CADM1: variants seen among roughly 807,000 people sequenced by gnomAD.
CADM1 encodes the protein TSLC-1.
CADM1 carries 15 observed loss-of-function variants against 53.1 expected under a neutral mutation model. The ratio of observed to expected loss-of-function variants is 0.28; its 90% confidence interval spans 0.19 to 0.44. CADM1 has a LOEUF of 0.44. Ranked by LOEUF, CADM1 falls within the 20% of genes least tolerant of loss-of-function variation. The pLI is 1.00. For missense variants in CADM1, 434 were observed against 611.3 expected (o/e 0.71, Z 3.06); for synonymous variants, 281 against 243.0 (o/e 1.16, Z -1.45).
intron 2 of CADM1, among the ~76,000 whole-genome samples, chr11:115,239,035 C>A (rs923644607): frequency 1.3e-5 from 2 of 152,058 alleles, no homozygotes; most frequent in Non-Finnish European, 2.9e-5. Flanking sequence ...GGTCATGAGT[C>A]CCCTGAAGCA....
At position 115,173,954 on chromosome 11, in the gene CADM1, CA is replaced by C; in HGVS notation, c.*2519del. 1 of 967,566 alleles carries C rather than the reference CA, an allele frequency of 1.0e-6. No individual in the cohort carries two copies. The highest frequency in any genetic ancestry group is 1.2e-6 in the Non-Finnish European group (1 of 813,716). 59.9% of individuals were successfully genotyped at this position (967,566 alleles called of 1,614,324 possible). On this transcript the variant is annotated 3_prime_UTR_variant, in exon 12 of 12. Transcript: ENST00000331581. The stretch of plus-strand genomic sequence containing the variant: ...CTCTAAAAAAAGTGATCAACCTGTA[CA>C]AAGTAATACTCAACAATACATTTCA...
At chr11:115,345,574 T>C (rs1026222961) in intron 1 of CADM1, among the ~76,000 whole-genome samples, 97 of 152,216 alleles carry the variant, frequency 6.4e-4, no homozygotes, top group African/African-American at 2.3e-3. Context: ...CTACCACATC[T>C]CATAATGTGT....
At chr11:115,314,987 G>A (rs1944623354) in intron 1 of CADM1, among the ~76,000 whole-genome samples, 1 of 152,204 alleles carries the variant, frequency 6.6e-6, no homozygotes, top group Non-Finnish European at 1.5e-5. Context: ...CAACTGGGAT[G>A]TAAATTGTGA....
intron 1 of CADM1, 150 bp downstream of exon 1, chr11:115,504,121 C>T: frequency 1.7e-6 from 2 of 1,204,794 alleles, no homozygotes; most frequent in Non-Finnish European, 2.3e-6. Context: ...CCCCTTCCCT[C>T]TCAGCCCTGA....
chr11:115,347,896 C>G (rs1945623412), intron 1 of CADM1, among the ~76,000 whole-genome samples: 1 of 152,138 alleles, frequency 6.6e-6, no homozygotes, highest in Non-Finnish European at 1.5e-5. Flanking sequence ...CTCCATTACA[C>G]AATTACAATC....
chr11:115,412,848 A>G (rs1325437745), intron 1 of CADM1, among the ~76,000 whole-genome samples: 1 of 152,052 alleles, frequency 6.6e-6, no homozygotes, highest in Non-Finnish European at 1.5e-5. Context: ...CCATAATGGA[A>G]GAATGCAATA....
chr11:115,207,239 A>C (rs1027645318), intron 8 of CADM1: 8 of 152,322 alleles, frequency 5.3e-5, no homozygotes, highest in African/African-American at 1.7e-4. Context: ...TTTTGTGCGC[A>C]GGGAGGACTC....
At chr11:115,392,580 G>A (rs1297682573) in intron 1 of CADM1, among the ~76,000 whole-genome samples, 2 of 152,132 alleles carry the variant, frequency 1.3e-5, no homozygotes, top group Non-Finnish European at 2.9e-5. Flanking sequence ...ACTTTTGGAG[G>A]AAAACAACCT....
chr11:115,254,593 C>CACACACAG (rs1491508599), intron 1 of CADM1, among the ~76,000 whole-genome samples: 2 of 136,296 alleles, frequency 1.5e-5, no homozygotes, highest in African/African-American at 5.8e-5. Context: ...CACACACACA[C>CACACACAG]AGAGACAACA....
intron 3 of CADM1, among the ~76,000 whole-genome samples, chr11:115,234,966 C>G (rs989060760): frequency 2.0e-5 from 3 of 147,760 alleles, no homozygotes; most frequent in Non-Finnish European, 4.5e-5. Flanking sequence ...TTGTTGAGAT[C>G]ACCATCCTGT....
intron 1 of CADM1, among the ~76,000 whole-genome samples, chr11:115,452,446 G>A (rs1342221909): frequency 6.6e-6 from 1 of 152,214 alleles, no homozygotes; most frequent in Non-Finnish European, 1.5e-5. Context: ...TTAATGAAAT[G>A]AGACTTAAGT....
At chr11:115,228,151 G>A (rs997038847) in intron 5 of CADM1, among the ~76,000 whole-genome samples, 5 of 152,214 alleles carry the variant, frequency 3.3e-5, no homozygotes, top group African/African-American at 9.6e-5. Flanking sequence ...GACTCCTAGA[G>A]CTGGAAAAAT....
At chr11:115,272,667 T>C (rs149440984) in intron 1 of CADM1, among the ~76,000 whole-genome samples, 1 of 146,772 alleles carries the variant, frequency 6.8e-6, no homozygotes, top group African/African-American at 2.5e-5. Flanking sequence ...ATTTCTACGA[T>C]GAAACACTTG....
chr11:115,360,240 T>C (rs1460835289), intron 1 of CADM1, among the ~76,000 whole-genome samples: 1 of 152,218 alleles, frequency 6.6e-6, no homozygotes, highest in Non-Finnish European at 1.5e-5. Context: ...AACTGAGCCA[T>C]CTAAAAACAA....
chr11:115,345,151 C>A (rs1945543898), intron 1 of CADM1, among the ~76,000 whole-genome samples: 1 of 152,160 alleles, frequency 6.6e-6, no homozygotes, highest in South Asian at 2.1e-4. Flanking sequence ...GGCTCTTCTG[C>A]ACGACCACAA....
chr11:115,244,692 G>A (rs1312955069), intron 1 of CADM1, among the ~76,000 whole-genome samples: 1 of 152,212 alleles, frequency 6.6e-6, no homozygotes, highest in Non-Finnish European at 1.5e-5. Context: ...CCAGCATCAG[G>A]CTTTGATGCC....
chr11:115,472,937 G>A (rs1949047889), intron 1 of CADM1, among the ~76,000 whole-genome samples: 1 of 152,200 alleles, frequency 6.6e-6, no homozygotes, highest in Admixed American at 6.5e-5. Flanking sequence ...CTTGTCATAT[G>A]TACTCTTCCA....
Position 115,445,598 on chromosome 11 carries a change from C to A in CADM1, c.124+58673G>T, listed in dbSNP as rs1240079871. On this transcript the variant is annotated intron_variant, in intron 1 of 11. Coordinates refer to ENST00000331581, the MANE Select transcript of CADM1 (RefSeq NM_001301043.2). Reference sequence around the variant, plus strand: ...GTGGCTCAGGCCTGTAATTCCAGCACTTTGGGAGATTGAGGCGAATGGATT... The same window carrying A: ...GTGGCTCAGGCCTGTAATTCCAGCAATTTGGGAGATTGAGGCGAATGGATT... Among the ~76,000 whole-genome samples, 3 of 152,086 alleles carry A rather than the reference C, an allele frequency of 2.0e-5. No individual in the cohort carries two copies. In the East Asian group the frequency reaches 5.8e-4, roughly 29 times the overall value.
At chr11:115,190,766 G>GT (rs1939810252) in intron 10 of CADM1, 122 bp downstream of exon 10, 2 of 738,230 alleles carry the variant, frequency 2.7e-6, no homozygotes, top group Non-Finnish European at 2.3e-6. Flanking sequence ...ATACAAATTT[G>GT]TTTTTTGTTA....
Sources: gnomAD v4.1 joint callset for allele counts (sites outside exome capture counted in the v4.1 genomes callset) on GRCh38, gnomAD v4.1.1 for gene constraint, MANE v1.5 for transcripts, NCBI Gene and HGNC (gene_info 2026-07-23, HGNC 2026-07-21) for gene names.